The following ZMAT4 variants were observed in gnomAD, a reference collection of about 807,000 sequenced individuals.
ZMAT4 encodes the protein zinc finger matrin-type 4.
Under a neutral mutation model 28.7 loss-of-function variants are expected in ZMAT4, and 17 were observed. The ratio of observed to expected loss-of-function variants is 0.59; its 90% CI spans 0.41 to 0.89. The LOEUF is 0.89. Among genes scored for constraint, ZMAT4 ranks in the 40% least tolerant of loss-of-function variants. ZMAT4 has a pLI of 0.00. For missense variants in ZMAT4, 240 were observed against 283.8 expected (o/e 0.85, Z 1.11); for synonymous variants, 117 against 109.2 (o/e 1.07, Z -0.44).
At chr8:40,783,889 T>A (rs1283133985) in intron 2 of ZMAT4, among the ~76,000 whole-genome samples, 1 of 152,138 alleles carries the variant, frequency 6.6e-6, no homozygotes, top group Admixed American at 6.6e-5. Flanking sequence ...CAGGTGCCTG[T>A]AATCCCAGCT....
At chr8:40,553,030 C>A (rs1197228355) in intron 6 of ZMAT4, among the ~76,000 whole-genome samples, 1 of 152,140 alleles carries the variant, frequency 6.6e-6, no homozygotes, top group East Asian at 1.9e-4. Context: ...AAAATTGTAA[C>A]CTCAGGCATA....
intron 5 of ZMAT4, among the ~76,000 whole-genome samples, chr8:40,591,893 T>A (rs979068301): frequency 6.6e-6 from 1 of 152,102 alleles, no homozygotes; most frequent in Non-Finnish European, 1.5e-5. Context: ...AAGTCAGAAC[T>A]AGTAAGCAGA....
At chr8:40,596,631 A>G (rs1030620012) in intron 5 of ZMAT4, among the ~76,000 whole-genome samples, 1 of 152,236 alleles carries the variant, frequency 6.6e-6, no homozygotes, top group African/African-American at 2.4e-5. Flanking sequence ...TGAGAACACC[A>G]TCATATATGT....
intron 5 of ZMAT4, among the ~76,000 whole-genome samples, chr8:40,609,412 G>T (rs1450135332): frequency 6.6e-6 from 1 of 152,044 alleles, no homozygotes; most frequent in Non-Finnish European, 1.5e-5. Context: ...TCAAAAGCAG[G>T]CTCCCTCTAC....
chr8:40,674,363 C>CT (rs918334746), intron 5 of ZMAT4: 40 of 202,118 alleles, frequency 2.0e-4, no homozygotes, highest in African/African-American at 6.1e-4. Context: ...CATTCAGCAT[C>CT]TTTTTTTTCT....
intron 1 of ZMAT4, among the ~76,000 whole-genome samples, chr8:40,861,414 A>C (rs529332295): frequency 6.6e-6 from 1 of 152,368 alleles, no homozygotes; most frequent in South Asian, 2.1e-4. Context: ...ACCTTATACA[A>C]AAATTAATTC....
chr8:40,593,061 G>A lies in ZMAT4; in HGVS notation c.578-11800C>T, dbSNP rs548778853. Among the ~76,000 whole-genome samples, 7 of 152,200 alleles carry A rather than the reference G, an allele frequency of 4.6e-5. No homozygotes were observed. In the South Asian group the frequency reaches 1.5e-3, roughly 32 times the overall value. Reference sequence around the variant, plus strand: ...TACATGGGAGAAATATCTTTTTGTTGGTCTGGGTTTTGATGTGATGCAAAT... The same window carrying A: ...TACATGGGAGAAATATCTTTTTGTTAGTCTGGGTTTTGATGTGATGCAAAT... On this transcript the variant is annotated intron_variant, in intron 5 of 6. Coordinates refer to ENST00000297737, the MANE Select transcript of ZMAT4 (RefSeq NM_024645.3).
chr8:40,850,833 C>T (rs955641972), intron 1 of ZMAT4, among the ~76,000 whole-genome samples: 2 of 152,148 alleles, frequency 1.3e-5, no homozygotes, highest in Non-Finnish European at 2.9e-5. Context: ...CAGCACTTCT[C>T]AAGTTTTTTA....
At chr8:40,721,897 A>G (rs1428413183) in intron 3 of ZMAT4, among the ~76,000 whole-genome samples, 1 of 152,108 alleles carries the variant, frequency 6.6e-6, no homozygotes, top group Non-Finnish European at 1.5e-5. Context: ...GATCTTTGAC[A>G]AACCTGAGAA....
chr8:40,572,139 T>C (rs1337576994), intron 6 of ZMAT4, among the ~76,000 whole-genome samples: 3 of 152,176 alleles, frequency 2.0e-5, no homozygotes, highest in Non-Finnish European at 4.4e-5. Context: ...AAAAGTGTCT[T>C]ATTTATTACT....
intron 3 of ZMAT4, among the ~76,000 whole-genome samples, chr8:40,749,000 G>C (rs1812352073): frequency 6.6e-6 from 1 of 152,128 alleles, no homozygotes. Flanking sequence ...AGTCTCATGA[G>C]ATCTGATGCT....
At chr8:40,669,881 C>T (rs1474086854) in intron 5 of ZMAT4, among the ~76,000 whole-genome samples, 1 of 152,096 alleles carries the variant, frequency 6.6e-6, no homozygotes, top group African/African-American at 2.4e-5. Context: ...CTGAAAACTA[C>T]AAAACATTGC....
chr8:40,787,083 A>T (rs923289575), intron 2 of ZMAT4, among the ~76,000 whole-genome samples: 1 of 152,230 alleles, frequency 6.6e-6, no homozygotes, highest in African/African-American at 2.4e-5. Context: ...TGAGAATTTC[A>T]AGTGTCCCAA....
At position 40,831,788 on chromosome 8, in the gene ZMAT4, T is replaced by C. The variant is rs543310303; in HGVS notation, c.-4-6108A>G. ...CCGTGTGACTGTGCAAGCTCTCCAG[T>C]ATCGGGCATTGTGACTACTCTAACA... On this transcript the variant is annotated intron_variant, in intron 1 of 6. Coordinates refer to ENST00000297737, the MANE Select transcript of ZMAT4 (RefSeq NM_024645.3). 2.6e-5 allele frequency among the ~76,000 whole-genome samples: 4 copies of C among 152,310 alleles called. No individual in the cohort carries two copies. In the South Asian group the frequency reaches 8.3e-4, roughly 32 times the overall value.
intron 2 of ZMAT4, among the ~76,000 whole-genome samples, chr8:40,787,441 G>T (rs1018115341): frequency 2.0e-5 from 3 of 152,172 alleles, no homozygotes; most frequent in Non-Finnish European, 2.9e-5. Context: ...GACAGCAAAA[G>T]TAACACAAAT....
chr8:40,858,244 C>T (rs1817365865), intron 1 of ZMAT4, among the ~76,000 whole-genome samples: 1 of 152,226 alleles, frequency 6.6e-6, no homozygotes, highest in African/African-American at 2.4e-5. Flanking sequence ...AGATTTGCCA[C>T]TAATGAAACA....
At chr8:40,643,876 A>G (rs1807174594) in intron 5 of ZMAT4, among the ~76,000 whole-genome samples, 1 of 152,014 alleles carries the variant, frequency 6.6e-6, no homozygotes, top group South Asian at 2.1e-4. Flanking sequence ...TTTAGTAAGG[A>G]TGCAGTTTAA....
intron 3 of ZMAT4, among the ~76,000 whole-genome samples, chr8:40,757,285 G>A (rs1165321110): frequency 6.6e-6 from 1 of 152,132 alleles, no homozygotes; most frequent in Non-Finnish European, 1.5e-5. Flanking sequence ...ACTGATGGGA[G>A]GTTACAAGTA....
chr8:40,601,938 T>C (rs1268121181), intron 5 of ZMAT4, among the ~76,000 whole-genome samples: 2 of 152,148 alleles, frequency 1.3e-5, no homozygotes, highest in Non-Finnish European at 2.9e-5. Context: ...AATTCTTTAG[T>C]GGTGGTTTCT....
Sources: gnomAD v4.1 joint callset for allele counts (sites outside exome capture counted in the v4.1 genomes callset) on GRCh38, gnomAD v4.1.1 for gene constraint, MANE v1.5 for transcripts, NCBI Gene and HGNC (gene_info 2026-07-23, HGNC 2026-07-21) for gene names.